The following RUNX3 variants were observed in gnomAD, a reference collection of about 807,000 sequenced individuals.
RUNX3 encodes the protein RUNX family transcription factor 3.
A neutral mutation model predicts 27.7 loss-of-function variants in RUNX3; 10 were observed. The observed-to-expected ratio is 0.36, with a 90% CI of 0.22 to 0.61. RUNX3 has a LOEUF of 0.61. Ranked by LOEUF, RUNX3 falls within the 20% of genes least tolerant of loss-of-function variation. The pLI, the probability that RUNX3 is intolerant of heterozygous loss-of-function variation, is 0.72. For missense variants in RUNX3, 469 were observed against 629.5 expected, an observed-to-expected ratio of 0.75 and a Z score of 2.73; for synonymous variants, 270 against 269.2, an observed-to-expected ratio of 1.00 and a Z score of -0.03.
chr1:24,904,608 G>A lies in RUNX3; in HGVS notation c.704-1942C>T, dbSNP rs1052766612. On this transcript the variant is annotated intron_variant, in intron 4 of 4. Transcript: ENST00000308873. This position sits in a 1 kb window ranked among gnomAD's most constrained non-coding sequence, Gnocchi z 5.7. ...GCTGAGATGGGTGGGGTGGAAGTGGGTGCTGGCCGCCTGATGGGAACCCCA... is the reference window on the plus strand; with the variant it reads ...GCTGAGATGGGTGGGGTGGAAGTGGATGCTGGCCGCCTGATGGGAACCCCA... 7.9e-5 allele frequency among the ~76,000 whole-genome samples: 12 copies of A among 152,180 alleles called. No homozygotes were observed. Among genetic ancestry groups the A allele is most frequent in the Middle Eastern group, 3.2e-3 (1 of 316 alleles).
chr1:24,939,993 A>G (rs1400779752), intron 2 of RUNX3, among the ~76,000 whole-genome samples: 2 of 152,212 alleles, frequency 1.3e-5, no homozygotes, highest in Admixed American at 6.5e-5. Context: ...GGGCCTCAGC[A>G]TGGGGAAGAG....
In RUNX3 at chr1:24,962,740, T is replaced by C. The variant is rs1278620054; in HGVS notation, c.58+1774A>G. 6.6e-6 allele frequency among the ~76,000 whole-genome samples: 1 copy of C among 152,160 alleles called. No homozygotes were observed. Among genetic ancestry groups the C allele is most frequent in the Non-Finnish European group, 1.5e-5 (1 of 68,026 alleles). ...CAGCGGCCTCCTGTCTCTGGGCGCA[T>C]ACATGACATGTTGGGCCAAAGCCAC... On this transcript the variant is annotated intron_variant, in intron 2 of 6. Transcript: ENST00000338888. This position sits in a 1 kb window ranked among gnomAD's most constrained non-coding sequence, Gnocchi z 4.5.
At chr1:24,922,388 G>T (rs1350529404) in intron 2 of RUNX3, among the ~76,000 whole-genome samples, 1 of 151,900 alleles carries the variant, frequency 6.6e-6, no homozygotes, top group African/African-American at 2.4e-5. Context: ...AATTACAATT[G>T]TATTGTCCCT....
chr1:24,949,689 C>G (rs1016486799), intron 2 of RUNX3, among the ~76,000 whole-genome samples: 1 of 152,380 alleles, frequency 6.6e-6, no homozygotes, highest in Admixed American at 6.5e-5. Flanking sequence ...AGGCCAGCAG[C>G]CCACCTCACC....
chr1:24,956,667 C>A (rs553375112), intron 2 of RUNX3, among the ~76,000 whole-genome samples: 2 of 152,124 alleles, frequency 1.3e-5, no homozygotes, highest in Non-Finnish European at 2.9e-5. Flanking sequence ...CCCTGCTTAC[C>A]CCACGGAGGT....
chr1:24,928,123 G>A (rs1225069909), intron 1 of RUNX3, among the ~76,000 whole-genome samples: 3 of 152,206 alleles, frequency 2.0e-5, no homozygotes, highest in Non-Finnish European at 2.9e-5. Context: ...CTCCAAATGA[G>A]AAAGAGTAAC....
rs761945732 is a variant in RUNX3 at position 24,916,981 on chromosome 1, A to T, written c.544+2259T>A. 7.2e-5 allele frequency among the ~76,000 whole-genome samples: 11 copies of T among 152,200 alleles called. No individual in the cohort carries two copies. The highest frequency in any genetic ancestry group is 1.6e-4 in the Non-Finnish European group (11 of 68,028). Reference sequence around the variant, plus strand: ...CTGGGAGACCCAGGCAGGGAAGAGCAGGCAGGGGATTCTGCTGGAATCTCC... The same window carrying T: ...CTGGGAGACCCAGGCAGGGAAGAGCTGGCAGGGGATTCTGCTGGAATCTCC... On this transcript the variant is annotated intron_variant, in intron 3 of 4. Transcript: ENST00000308873. This position sits in a 1 kb window ranked among gnomAD's most constrained non-coding sequence, Gnocchi z 4.8.
At chr1:24,953,363 G>GAAAAAA (rs71577738) in intron 2 of RUNX3, among the ~76,000 whole-genome samples, 26 of 59,474 alleles carry the variant, frequency 4.4e-4, no homozygotes, top group Non-Finnish European at 5.2e-4. Context: ...GACTCCGTCT[G>GAAAAAA]AAAAAAAAAA....
intron 2 of RUNX3, 72 bp from the exon 3 acceptor site, chr1:24,919,416 T>G: frequency 3.1e-6 from 3 of 979,404 alleles, no homozygotes; most frequent in East Asian, 5.2e-5. Context: ...CTCCCACCTG[T>G]ATCTACCCCT....
intron 2 of RUNX3, among the ~76,000 whole-genome samples, chr1:24,953,877 T>TG (rs1027147441): frequency 1.3e-5 from 2 of 152,206 alleles, no homozygotes; most frequent in Admixed American, 6.5e-5. Context: ...CCAGCCATCT[T>TG]GGGTAAGGGA....
At chr1:24,964,496 TG>T in intron 2 of RUNX3, 1 of 1,601,450 alleles carries the variant, frequency 6.2e-7, no homozygotes, top group Non-Finnish European at 8.5e-7. Flanking sequence ...CCCAGGGCCC[TG>T]GGCTATTGTT....
chr1:24,949,156 G>A (rs1257042049), intron 2 of RUNX3, among the ~76,000 whole-genome samples: 1 of 151,940 alleles, frequency 6.6e-6, no homozygotes, highest in Non-Finnish European at 1.5e-5. Flanking sequence ...GGCGGCTGTG[G>A]AGCTGAGCAC....
intron 2 of RUNX3, among the ~76,000 whole-genome samples, chr1:24,951,906 A>G (rs1641777146): frequency 6.6e-6 from 1 of 152,042 alleles, no homozygotes; most frequent in Non-Finnish European, 1.5e-5. Flanking sequence ...GGAGGCAGAG[A>G]CTTTAGTGAG....
At chr1:24,945,024 C>T (rs1372377388) in intron 2 of RUNX3, among the ~76,000 whole-genome samples, 2 of 152,192 alleles carry the variant, frequency 1.3e-5, no homozygotes, top group African/African-American at 2.4e-5. Flanking sequence ...GCCTGATACA[C>T]AATAGCTTGA....
upstream of RUNX3, among the ~76,000 whole-genome samples, chr1:24,934,125 CAG>C (rs1004924878): frequency 1.4e-4 from 22 of 152,028 alleles, no homozygotes; most frequent in African/African-American, 5.1e-4. Flanking sequence ...TTTGAAGAAA[CAG>C]AAAGAAAATG....
rs544879793 is a variant in RUNX3 at position 24,962,176 on chromosome 1, C to T, written c.58+2338G>A. On this transcript the variant is annotated intron_variant, in intron 2 of 6. Transcript: ENST00000338888. The surrounding 1 kb of genome is among the most constrained non-coding windows in gnomAD (Gnocchi z 4.5). ...CTCATCACAACTGCATGGCCCACCG[C>T]GGGGTCTTGTCACTCAGTGAGTTCT... 3 of 152,174 alleles carry T rather than the reference C, an allele frequency of 2.0e-5. No individual in the cohort carries two copies. The highest frequency in any genetic ancestry group is 7.2e-5 in the African/African-American group (3 of 41,438). The allele number at this position is 152,174 out of a possible 1,614,324, so 9.4% of individuals were successfully genotyped here.
exon 1 of RUNX3, chr1:24,964,930 C>T (rs1403561708): frequency 1.4e-5 from 4 of 291,132 alleles, no homozygotes; most frequent in Non-Finnish European, 2.0e-5. Context: ...CGGGAAGGGG[C>T]TTTCGGCAGC....
rs893191445 is a variant in RUNX3, at chr1:24,914,847, C to G, written c.544+4393G>C. ...CCTGCCCACGCCAAACCCTCGGCAG[C>G]CACACTCTGCTGGCTGCTCACTTCA... On this transcript the variant is annotated intron_variant, in intron 3 of 4. Transcript: ENST00000308873. Among the ~76,000 whole-genome samples the G allele has an allele frequency of 3.7e-4, 57 of 152,182 alleles. 1 individual carries two copies. The highest frequency in any genetic ancestry group is 3.4e-3 in the Middle Eastern group (1 of 294).
At position 24,904,078 on chromosome 1, in the gene RUNX3, T is replaced by C. The variant is rs1349429232; in HGVS notation, c.704-1412A>G. Among the ~76,000 whole-genome samples, 1 of 152,126 alleles carries C rather than the reference T, an allele frequency of 6.6e-6. No individual in the cohort carries two copies. The highest frequency in any genetic ancestry group is 1.5e-5 in the Non-Finnish European group (1 of 68,006). On this transcript the variant is annotated intron_variant, in intron 4 of 4. Coordinates refer to ENST00000308873, the MANE Select transcript of RUNX3 (RefSeq NM_004350.3). The surrounding 1 kb of genome is among the most constrained non-coding windows in gnomAD (Gnocchi z 5.7). Reference sequence around the variant, plus strand: ...TTGAGGCCCTGGTGCAGGGCCTCCCTTCTACTCTGGCAGCCGGGGGAGGTG... The same window carrying C: ...TTGAGGCCCTGGTGCAGGGCCTCCCCTCTACTCTGGCAGCCGGGGGAGGTG...
Sources: gnomAD v4.1 joint callset for allele counts (sites outside exome capture counted in the v4.1 genomes callset) on GRCh38, gnomAD v4.1.1 for gene constraint, Gnocchi (gnomAD v3.1) non-coding constraint, MANE v1.5 for transcripts, NCBI Gene and HGNC (gene_info 2026-07-23, HGNC 2026-07-21) for gene names.